The following ZNF394 variants were observed in gnomAD, a reference collection of about 807,000 sequenced individuals.
ZNF394 encodes zinc finger protein 99.
Under a neutral mutation model 21.8 loss-of-function variants are expected in ZNF394, and 19 were observed. That is an observed-to-expected ratio of 0.87 (90% CI 0.61 to 1.28). ZNF394 has a LOEUF of 1.28. Among genes scored for constraint, ZNF394 ranks in the 50% most tolerant of loss-of-function variants. The probability of loss-of-function intolerance (pLI) is 0.00; values close to 1 mark genes in which losing one functional copy is unlikely to be tolerated. For missense variants in ZNF394, 683 were observed against 708.6 expected, an observed-to-expected ratio of 0.96 and a Z score of 0.41; for synonymous variants, 294 against 273.3, an observed-to-expected ratio of 1.08 and a Z score of -0.75.
chr7:99,498,470 T>C (rs1800404947), intron 2 of ZNF394: 2 of 385,490 alleles, frequency 5.2e-6, no homozygotes, highest in Non-Finnish European at 9.4e-6. Flanking sequence ...ACTTGGGTGG[T>C]AGACACAGGG....
At chr7:99,497,083 C>T (rs199619313) in intron 2 of ZNF394, among the ~76,000 whole-genome samples, 8,456 of 101,178 alleles carry the variant, frequency 0.084, 594 homozygotes, top group East Asian at 0.34. Flanking sequence ...TATATACATA[C>T]ATACGTGTGT....
rs1306110775 is a variant in ZNF394, at chr7:99,497,116, GTGTGTGTATATATATATATATATATGTA to G, written c.583+1572_583+1599del. On this transcript the variant is annotated intron_variant, in intron 2 of 2. Transcript: ENST00000337673. ...TGTGTGTGTGTGTGTGTGTGTGTGT[GTGTGTGTATATATATATATATATATGTA>G]TATATATATATAAAATGTTTTTTCT... Among the ~76,000 whole-genome samples the G allele has an allele frequency of 4.4e-3, 488 of 111,452 alleles. 9 individuals are homozygous for G. The highest frequency in any genetic ancestry group is 0.022 in the African/African-American group (472 of 21,104). The allele number at this position is 111,452 out of a possible 152,430, so 73.1% of individuals were successfully genotyped here. A position where few individuals can be genotyped will look rare whatever the true frequency, so the allele number is the denominator to read the frequency against.
intron 1 of ZNF394, chr7:99,487,138 G>GA (rs1800006481): frequency 6.2e-7 from 1 of 1,614,050 alleles, no homozygotes; most frequent in Admixed American, 1.7e-5. Flanking sequence ...CCATAGTGGA[G>GA]AAAAACGCCA....
Position 99,494,247 on chromosome 7 carries a change from A to G in ZNF394, c.968T>C (p.Met323Thr). Residue 323 changes from methionine (M) to threonine (T), a missense_variant, in exon 3 of 3, where the codon ATG (methionine) becomes ACG (threonine). Around this residue, in one of 3 missense-constraint regions of ZNF394, gnomAD observed 274 missense variants for 314.1 expected, o/e 0.87. Transcript: ENST00000337673. Reference sequence around the variant, plus strand: ...AGGTTTCAGCACGTGCCACGTCACCATGTGGAAACTTTGCTTGCACTTGTT... The same window carrying G: ...AGGTTTCAGCACGTGCCACGTCACCGTGTGGAAACTTTGCTTGCACTTGTT... ...HGNKCKQSFH[M>T]VTWHVLKPHK... 2 of 1,614,248 alleles carry G rather than the reference A, an allele frequency of 1.2e-6. No individual in the cohort carries two copies. Among genetic ancestry groups the G allele is most frequent in the Non-Finnish European group, 1.7e-6 (2 of 1,180,048 alleles).
chr7:99,487,131 T>C (rs758175237), intron 1 of ZNF394: 4 of 1,614,058 alleles, frequency 2.5e-6, no homozygotes, highest in African/African-American at 1.3e-5. Flanking sequence ...AGGTGATCCA[T>C]AGTGGAGAAA....
chr7:99,492,922 C>T (rs1001801298), downstream of ZNF394, among the ~76,000 whole-genome samples: 5 of 152,038 alleles, frequency 3.3e-5, no homozygotes, highest in African/African-American at 7.2e-5. Flanking sequence ...ACTGGGCTCC[C>T]GCTGGAGGGC....
At chr7:99,497,547 G>A (rs1384820917) in intron 2 of ZNF394, among the ~76,000 whole-genome samples, 4 of 151,626 alleles carry the variant, frequency 2.6e-5, no homozygotes, top group Non-Finnish European at 5.9e-5. Flanking sequence ...GACATTAAGA[G>A]ATTAACAGTA....
chr7:99,498,998 A>G (rs555232357), intron 1 of ZNF394, among the ~76,000 whole-genome samples, 156 bp from the exon 2 acceptor site: 1 of 152,304 alleles, frequency 6.6e-6, no homozygotes, highest in Non-Finnish European at 1.5e-5. Flanking sequence ...GACTATTTAC[A>G]CTAATTTTGG....
chr7:99,493,436 T>C lies in ZNF394; in HGVS notation c.*93A>G. ...CATGCCCGGCTCATTTTTGTATTTT[T>C]AGTAGAGACAGGATTTTACCATGTT... is the stretch of plus-strand genomic sequence containing the variant. On this transcript the variant is annotated 3_prime_UTR_variant, in exon 3 of 3. Transcript: ENST00000337673. 1 of 1,216,124 alleles carries C rather than the reference T, an allele frequency of 8.2e-7. No individual in the cohort carries two copies. Among genetic ancestry groups the C allele is most frequent in the Admixed American group, 2.5e-5 (1 of 40,816 alleles). The allele number at this position is 1,216,124 out of a possible 1,614,324, so 75.3% of individuals were successfully genotyped here.
Position 99,494,622 on chromosome 7 carries a change from C to T in ZNF394, c.593G>A (p.Ser198Asn), listed in dbSNP as rs1308230679. Residue 198 changes from serine (S) to asparagine (N), a missense_variant, in exon 3 of 3, where the codon AGC becomes AAC. Coordinates refer to ENST00000337673, the MANE Select transcript of ZNF394 (RefSeq NM_032164.4). ...SGSTVPPSLE[S>N]RVENKELIPM... ...AATCAACTCTTTGTTCTCCACTCTG[C>T]TTTCCAAACCTGAAACGTGAAAATA... 6.3e-7 allele frequency: 1 copy of T among 1,579,186 alleles called. No homozygotes were observed. Among genetic ancestry groups the T allele is most frequent in the African/African-American group, 1.4e-5 (1 of 73,120 alleles).
In ZNF394 at chr7:99,499,947, C is replaced by T. The variant is rs769584268; in HGVS notation, c.147G>A (p.Trp49Ter). 1.2e-6 allele frequency: 2 copies of T among 1,613,978 alleles called. No homozygotes were observed. The highest frequency in any genetic ancestry group is 2.2e-5 in the East Asian group (1 of 44,888). ...GCGAAGCCGCGGGATAGTTGGGCTCCCAACTTCCGGGTGAGTCTTCCTCCA... is the reference window on the plus strand; with the variant it reads ...GCGAAGCCGCGGGATAGTTGGGCTCTCAACTTCCGGGTGAGTCTTCCTCCA... ...VKVEEDSPGS[W>*]EPNYPAASPD... The change falls in exon 1 of 3, where the codon TGG (tryptophan) becomes TGA (stop). Residue 49 changes from tryptophan to a stop codon, truncating the protein, a stop_gained. Transcript: ENST00000337673. LOFTEE classifies it high-confidence loss of function.
At position 99,493,613 on chromosome 7, in the gene ZNF394, A is replaced by C. The variant is rs757821671; in HGVS notation, c.1602T>G (p.Phe534Leu). 2 of 1,614,148 alleles carry C rather than the reference A, an allele frequency of 1.2e-6. No homozygotes were observed. Among genetic ancestry groups the C allele is most frequent in the South Asian group, 2.2e-5 (2 of 91,084 alleles). ...PYKCLECGER[F>L]RQSTHLIRHQ... is the part of the protein sequence containing the mutation. ...GTCGGATAAGGTGTGTACTTTGTCT[A>C]AATCTTTCCCCACATTCAAGACATT... is the stretch of plus-strand genomic sequence containing the variant. The change falls in exon 3 of 3, where the codon TTT becomes TTG. Residue 534 changes from phenylalanine (F) to leucine (L), a missense_variant. Phe to Leu is a conservative substitution (Grantham distance 22). Transcript: ENST00000337673.
chr7:99,489,062 AT>A (rs1385751274), downstream of ZNF394, among the ~76,000 whole-genome samples: 1 of 151,796 alleles, frequency 6.6e-6, no homozygotes, highest in Non-Finnish European at 1.5e-5. Flanking sequence ...AGGCGAGTGG[AT>A]CACGAGGTCA....
chr7:99,497,149 T>TATATATATAC (rs1800357985), intron 2 of ZNF394, among the ~76,000 whole-genome samples: 1 of 139,980 alleles, frequency 7.1e-6, no homozygotes, highest in South Asian at 2.3e-4. Context: ...TATGTATATA[T>TATATATATAC]ATATATAAAA....
chr7:99,499,920 C>T lies in ZNF394; in HGVS notation c.174G>A (p.Pro58=), dbSNP rs1339308260. The change falls in exon 1 of 3, where the codon CCG becomes CCA. Residue 58 remains proline (P), a synonymous_variant. Transcript: ENST00000337673. The part of the protein sequence containing the change: ...SWEPNYPAAS[P]DPETSRLHFR... ...AGTGCAGTCGAGAAGTTTCGGGGTCCGGCGAAGCCGCGGGATAGTTGGGCT... is the reference window on the plus strand; with the variant it reads ...AGTGCAGTCGAGAAGTTTCGGGGTCTGGCGAAGCCGCGGGATAGTTGGGCT... The T allele has an allele frequency of 6.2e-7, 1 of 1,613,974 alleles. No homozygotes were observed. Among genetic ancestry groups the T allele is most frequent in the African/African-American group, 1.3e-5 (1 of 74,942 alleles).
downstream of ZNF394, among the ~76,000 whole-genome samples, chr7:99,489,184 T>C (rs1489479836): frequency 6.7e-6 from 1 of 148,242 alleles, no homozygotes; most frequent in Non-Finnish European, 1.5e-5. Flanking sequence ...CCCAGGAGGC[T>C]GAGGCAGGAG....
At position 99,499,873 on chromosome 7, in the gene ZNF394, T is replaced by C; in HGVS notation, c.221A>G (p.Glu74Gly). The change falls in exon 1 of 3, where the codon GAG becomes GGG. Residue 74 changes from glutamate (E) to glycine (G), a missense_variant. Physicochemically the swap from Glu to Gly is moderately conservative, Grantham distance 98 (BLOSUM62 -2). Transcript: ENST00000337673. ...CAGCGCCTCTTCCGGTCCAGCCACC[T>C]CCTGGTAACGCAGCTGCCTAAAGTG... Reference protein sequence around the residue: ...RLHFRQLRYQEVAGPEEALSR... With the variant: ...RLHFRQLRYQGVAGPEEALSR... 6.2e-7 allele frequency: 1 copy of C among 1,614,122 alleles called. No homozygotes were observed. Among genetic ancestry groups the C allele is most frequent in the Non-Finnish European group, 8.5e-7 (1 of 1,180,012 alleles).
At chr7:99,494,798 G>A (rs1244687249) in intron 2 of ZNF394, among the ~76,000 whole-genome samples, 167 bp from the exon 3 acceptor site, 2 of 152,032 alleles carry the variant, frequency 1.3e-5, no homozygotes, top group Non-Finnish European at 2.9e-5. Context: ...GCAGTGGTCC[G>A]ATCTCAGTTC....
chr7:99,486,609 A>G, exon 2 of ZNF394: 1 of 1,614,216 alleles, frequency 6.2e-7, no homozygotes, highest in Non-Finnish European at 8.5e-7. Context: ...ATAAGTGTAA[A>G]GAATTTGTGG....
Sources: allele counts gnomAD v4.1 joint callset (sites outside exome capture counted in the v4.1 genomes callset), GRCh38; gene constraint gnomAD v4.1.1; regional missense constraint gnomAD v4.1.1; transcripts MANE v1.5; gene names NCBI Gene and HGNC (gene_info 2026-07-23, HGNC 2026-07-21).